The following WWC1 variants were observed in gnomAD, a reference collection of about 807,000 sequenced individuals.
The protein encoded by WWC1 is WW and C2 domain containing 1, also known as protein KIBRA.
Under a neutral mutation model 138.4 loss-of-function variants are expected in WWC1, and 55 were observed. The observed-to-expected ratio is 0.40, with a 90% confidence interval of 0.32 to 0.50. WWC1 has a LOEUF of 0.50. Ranked by LOEUF, WWC1 falls within the 20% of genes least tolerant of loss-of-function variation. The pLI, the probability that WWC1 is intolerant of heterozygous loss-of-function variation, is 0.72. For missense variants in WWC1, 1,226 were observed against 1,420.4 expected, an observed-to-expected ratio of 0.86 and a Z score of 2.20; for synonymous variants, 524 against 564.9, an observed-to-expected ratio of 0.93 and a Z score of 1.03.
intron 9 of WWC1, among the ~76,000 whole-genome samples, chr5:168,417,259 G>A (rs577352306): frequency 6.6e-6 from 1 of 152,298 alleles, no homozygotes; most frequent in Non-Finnish European, 1.5e-5. Context: ...ACAATGTTGA[G>A]GATTTACTGT....
At chr5:168,301,761 G>C (rs1397279288) in intron 1 of WWC1, among the ~76,000 whole-genome samples, 2 of 152,038 alleles carry the variant, frequency 1.3e-5, no homozygotes. Context: ...AACATAGAAA[G>C]TCTTAGCGCC....
chr5:168,301,547 A>T (rs1473384459), intron 1 of WWC1, among the ~76,000 whole-genome samples: 4 of 151,880 alleles, frequency 2.6e-5, no homozygotes, highest in Non-Finnish European at 4.4e-5. Flanking sequence ...CTGAGGCAGG[A>T]GAGTCGCTTG....
At chr5:168,298,856 G>T (rs1581848315) in intron 1 of WWC1, among the ~76,000 whole-genome samples, 1 of 152,112 alleles carries the variant, frequency 6.6e-6, no homozygotes, top group South Asian at 2.1e-4. Flanking sequence ...GGTCGAGGTG[G>T]GTGGATCACC....
At chr5:168,424,114 G>C in intron 11 of WWC1, 46 bp downstream of exon 11, 1 of 1,537,786 alleles carries the variant, frequency 6.5e-7, no homozygotes, top group African/African-American at 1.4e-5. Context: ...AGGAGGGAAA[G>C]AGATACTCTG....
At chr5:168,395,450 G>C (rs868620180) in intron 3 of WWC1, among the ~76,000 whole-genome samples, 2 of 152,120 alleles carry the variant, frequency 1.3e-5, no homozygotes, top group African/African-American at 4.8e-5. Context: ...TTGTTGAAAG[G>C]ACCTATTTGG....
At chr5:168,337,007 G>A (rs1773532189) in intron 1 of WWC1, among the ~76,000 whole-genome samples, 1 of 152,172 alleles carries the variant, frequency 6.6e-6, no homozygotes, top group Admixed American at 6.5e-5. Flanking sequence ...TGTTTTTAAT[G>A]TACCATGACC....
chr5:168,318,649 T>G (rs1041684774), intron 1 of WWC1, among the ~76,000 whole-genome samples: 1 of 150,574 alleles, frequency 6.6e-6, no homozygotes, highest in Non-Finnish European at 1.5e-5. Context: ...AGCCTCCACC[T>G]CCTGGGTTCA....
At chr5:168,412,898 A>G (rs79636015) in intron 8 of WWC1, among the ~76,000 whole-genome samples, 5,371 of 152,304 alleles carry the variant, frequency 0.035, 144 homozygotes, top group East Asian at 0.16. Flanking sequence ...TTGAGCATCC[A>G]TGAATTTTGG....
chr5:168,429,567 T>G (rs1304360955), intron 13 of WWC1, among the ~76,000 whole-genome samples: 2 of 152,146 alleles, frequency 1.3e-5, no homozygotes, highest in African/African-American at 4.8e-5. Flanking sequence ...CCTTCAATAT[T>G]TTTTAATAGG....
intron 5 of WWC1, 87 bp downstream of exon 5, chr5:168,399,654 C>A: frequency 8.0e-7 from 1 of 1,254,790 alleles, no homozygotes; most frequent in South Asian, 1.3e-5. Flanking sequence ...TCCTTCAGTC[C>A]CTTTCCTCCC....
At chr5:168,358,780 ACG>A (rs1775652394) in intron 1 of WWC1, among the ~76,000 whole-genome samples, 1 of 148,170 alleles carries the variant, frequency 6.7e-6, no homozygotes, top group Non-Finnish European at 1.5e-5. Flanking sequence ...GAGCTTTGAC[ACG>A]CATATATATA....
chr5:168,403,871 TACACACACACACACAC>T (rs57788100), intron 5 of WWC1, among the ~76,000 whole-genome samples: 141 of 134,436 alleles, frequency 1.0e-3, no homozygotes, highest in African/African-American at 3.5e-3. Context: ...AACACATGCA[TACACACACACACACAC>T]ACACACACAC....
intron 21 of WWC1, among the ~76,000 whole-genome samples, chr5:168,465,424 C>T (rs1757181815): frequency 6.6e-6 from 1 of 151,418 alleles, no homozygotes; most frequent in African/African-American, 2.4e-5. Context: ...CAAGGATGCC[C>T]TGGAGTACAA....
At chr5:168,353,688 C>T (rs769632822) in intron 1 of WWC1, among the ~76,000 whole-genome samples, 8 of 152,232 alleles carry the variant, frequency 5.3e-5, no homozygotes, top group Non-Finnish European at 1.0e-4. Flanking sequence ...CTTCTTGAAG[C>T]CTTAGTGTCC....
intron 1 of WWC1, among the ~76,000 whole-genome samples, chr5:168,299,431 A>C (rs552287646): frequency 6.6e-6 from 1 of 152,158 alleles, no homozygotes; most frequent in African/African-American, 2.4e-5. Flanking sequence ...AGCTTTGGGG[A>C]TGGGAGAAGA....
At chr5:168,406,894 A>G (rs967339153) in intron 6 of WWC1, among the ~76,000 whole-genome samples, 1 of 152,176 alleles carries the variant, frequency 6.6e-6, no homozygotes, top group Non-Finnish European at 1.5e-5. Flanking sequence ...GTGAGCCGAG[A>G]TAGCACCACT....
At chr5:168,409,710 T>C (rs1273011539) in intron 7 of WWC1, among the ~76,000 whole-genome samples, 1 of 152,252 alleles carries the variant, frequency 6.6e-6, no homozygotes, top group Non-Finnish European at 1.5e-5. Context: ...AAGTGATCGA[T>C]GTCTGAGCGT....
At chr5:168,409,239 G>T (rs558065968) in intron 7 of WWC1, among the ~76,000 whole-genome samples, 1 of 152,184 alleles carries the variant, frequency 6.6e-6, no homozygotes, top group Non-Finnish European at 1.5e-5. Flanking sequence ...AACATTGAAC[G>T]AATCTGCCTT....
Position 168,347,876 on chromosome 5 carries a change from A to G in WWC1, c.120-23548A>G, listed in dbSNP as rs1337859891. Among the ~76,000 whole-genome samples, 3 of 152,190 alleles carry G rather than the reference A, an allele frequency of 2.0e-5. 1 individual carries two copies. Among genetic ancestry groups the G allele is most frequent in the Non-Finnish European group, 4.4e-5 (3 of 68,040 alleles). The stretch of plus-strand genomic sequence containing the variant: ...GATCGCTGCCCTTGCAGAGGTCACT[A>G]TCTCCAGAGAAAGAATGTAAGTCAT... On this transcript the variant is annotated intron_variant, in intron 1 of 22. Coordinates refer to ENST00000265293, the MANE Select transcript of WWC1 (RefSeq NM_015238.3).
Sources: allele counts gnomAD v4.1 joint callset (sites outside exome capture counted in the v4.1 genomes callset), GRCh38; gene constraint gnomAD v4.1.1; transcripts MANE v1.5; gene names NCBI Gene and HGNC (gene_info 2026-07-23, HGNC 2026-07-21).